The following ZFYVE9 variants were observed in gnomAD, a reference collection of about 807,000 sequenced individuals.
ZFYVE9 encodes the protein zinc finger FYVE-type containing 9.
A neutral mutation model predicts 126.7 loss-of-function variants in ZFYVE9; 43 were observed. The ratio of observed to expected loss-of-function variants is 0.34; its 90% CI spans 0.27 to 0.44. The LOEUF (loss-of-function observed/expected upper bound fraction) is 0.44. Among genes scored for constraint, ZFYVE9 ranks in the 20% least tolerant of loss-of-function variants. ZFYVE9 has a pLI of 1.00. For synonymous variants in ZFYVE9, 521 were observed against 597.4 expected, an observed-to-expected ratio of 0.87 and a Z score of 1.87; for missense variants, 1,476 against 1,697.0, an observed-to-expected ratio of 0.87 and a Z score of 2.29.
chr1:52,144,621 ATTTC>A (rs1333695618), intron 1 of ZFYVE9, among the ~76,000 whole-genome samples: 1 of 150,424 alleles, frequency 6.6e-6, no homozygotes, highest in Non-Finnish European at 1.5e-5. Flanking sequence ...GGCAATAGTC[ATTTC>A]TTTCTTTTTT....
chr1:52,267,115 G>A (rs1361972948), intron 6 of ZFYVE9, among the ~76,000 whole-genome samples: 1 of 152,132 alleles, frequency 6.6e-6, no homozygotes, highest in Non-Finnish European at 1.5e-5. Flanking sequence ...AAAAAGAGGT[G>A]CAGAATTTGA....
At chr1:52,145,193 G>A (rs1233331943) in intron 1 of ZFYVE9, among the ~76,000 whole-genome samples, 2 of 152,258 alleles carry the variant, frequency 1.3e-5, no homozygotes, top group East Asian at 3.9e-4. Flanking sequence ...CTGATTCAGT[G>A]TTTTCTTTAA....
At chr1:52,179,801 A>G in intron 1 of ZFYVE9, 1 of 541,818 alleles carries the variant, frequency 1.8e-6, no homozygotes, top group East Asian at 3.7e-5. Flanking sequence ...AAGGATTTAA[A>G]GTGTCTATTA....
In ZFYVE9 at chr1:52,142,097, C is replaced by G. The variant is rs1644261620; in HGVS notation, c.-449C>G. 6.6e-6 allele frequency: 1 copy of G among 151,308 alleles called. No individual in the cohort carries two copies. The highest frequency in any genetic ancestry group is 1.9e-4 in the East Asian group (1 of 5,186). The allele number at this position is 151,308 out of a possible 1,614,324, so 9.4% of individuals were successfully genotyped here. The stretch of plus-strand genomic sequence containing the variant: ...CGGCGGCAGGAGCGGCCACCCGACG[C>G]TGGAGGCTTCGCTGAGGATCCCCGC... On this transcript the variant is annotated 5_prime_UTR_variant, in exon 1 of 19. Transcript: ENST00000287727. The surrounding 1 kb of genome is among the most constrained non-coding windows in gnomAD (Gnocchi z 4.5).
chr1:52,284,786 T>G (rs1645842073), intron 10 of ZFYVE9, among the ~76,000 whole-genome samples: 1 of 152,088 alleles, frequency 6.6e-6, no homozygotes, highest in Non-Finnish European at 1.5e-5. Context: ...GCAAAAATTT[T>G]GAAACAACAA....
At chr1:52,295,194 C>CA (rs1032912820) in intron 11 of ZFYVE9, among the ~76,000 whole-genome samples, 96 of 142,082 alleles carry the variant, frequency 6.8e-4, no homozygotes, top group Middle Eastern at 7.5e-3. Flanking sequence ...GACTGTGTCT[C>CA]AAAAAAAAAA....
chr1:52,254,169 G>C, intron 4 of ZFYVE9: 3 of 633,720 alleles, frequency 4.7e-6, no homozygotes, highest in Non-Finnish European at 8.1e-6. Flanking sequence ...ATGATGTATT[G>C]TTCAATAAGG....
chr1:52,279,250 C>T (rs1212570473), intron 9 of ZFYVE9, among the ~76,000 whole-genome samples: 1 of 152,060 alleles, frequency 6.6e-6, no homozygotes, highest in East Asian at 1.9e-4. Context: ...AACTTACCAC[C>T]AGAATAACTG....
At chr1:52,262,500 C>T (rs889362089) in intron 4 of ZFYVE9, among the ~76,000 whole-genome samples, 5 of 152,258 alleles carry the variant, frequency 3.3e-5, no homozygotes, top group Non-Finnish European at 7.3e-5. Flanking sequence ...CTCCCTGTAT[C>T]ACAGGGATAT....
intron 1 of ZFYVE9, among the ~76,000 whole-genome samples, chr1:52,167,132 C>T (rs1644521478): frequency 6.6e-6 from 1 of 152,122 alleles, no homozygotes; most frequent in Non-Finnish European, 1.5e-5. Context: ...AAGAACTCTG[C>T]CATTGTCAGG....
chr1:52,308,510 C>G (rs1438926840), intron 13 of ZFYVE9, among the ~76,000 whole-genome samples: 1 of 152,096 alleles, frequency 6.6e-6, no homozygotes, highest in Admixed American at 6.6e-5. Flanking sequence ...TTTATTTAAT[C>G]ACAATATTCT....
intron 17 of ZFYVE9, among the ~76,000 whole-genome samples, chr1:52,340,858 G>A (rs746533304): frequency 5.3e-4 from 73 of 137,120 alleles, no homozygotes; most frequent in Non-Finnish European, 9.8e-4. Context: ...CCGAGATCAC[G>A]CCACTGCACT....
intron 2 of ZFYVE9, among the ~76,000 whole-genome samples, chr1:52,218,585 A>G (rs1244081180): frequency 6.6e-6 from 1 of 152,170 alleles, no homozygotes; most frequent in Non-Finnish European, 1.5e-5. Context: ...TGGGAGGGGA[A>G]CAGTTTGGGT....
chr1:52,224,416 G>C (rs1197454752), intron 2 of ZFYVE9, among the ~76,000 whole-genome samples: 2 of 152,154 alleles, frequency 1.3e-5, no homozygotes, highest in Non-Finnish European at 2.9e-5. Flanking sequence ...ATTTGACTTA[G>C]GTAGGTCGTC....
chr1:52,346,470 T>C lies in ZFYVE9; in HGVS notation c.*249T>C. ...GGCAGCTTCTGTTCCTGCACAACAGTTATGCTATCCTTGCAGCTAATCCCC... is the reference window on the plus strand; with the variant it reads ...GGCAGCTTCTGTTCCTGCACAACAGCTATGCTATCCTTGCAGCTAATCCCC... On this transcript the variant is annotated 3_prime_UTR_variant, in exon 19 of 19. Coordinates refer to ENST00000287727, the MANE Select transcript of ZFYVE9 (RefSeq NM_004799.4). The C allele has an allele frequency of 2.3e-6, 1 of 435,466 alleles. No homozygotes were observed. Among genetic ancestry groups the C allele is most frequent in the Non-Finnish European group, 4.1e-6 (1 of 246,904 alleles). 27.0% of individuals were successfully genotyped at this position (435,466 alleles called of 1,614,324 possible). A position where few individuals can be genotyped will look rare whatever the true frequency, so the allele number is the denominator to read the frequency against.
At chr1:52,288,633 T>C (rs1411841857) in intron 10 of ZFYVE9, among the ~76,000 whole-genome samples, 1 of 152,186 alleles carries the variant, frequency 6.6e-6, no homozygotes, top group Non-Finnish European at 1.5e-5. Context: ...TAGAAATTTA[T>C]TTATTGGCCG....
chr1:52,197,653 G>A (rs1219677448), intron 1 of ZFYVE9, among the ~76,000 whole-genome samples: 1 of 128,758 alleles, frequency 7.8e-6, no homozygotes, highest in African/African-American at 3.0e-5. Flanking sequence ...CATGGAAGAA[G>A]AGTTTCATAA....
At chr1:52,281,299 A>AT (rs1386011070) in intron 9 of ZFYVE9, among the ~76,000 whole-genome samples, 3 of 151,602 alleles carry the variant, frequency 2.0e-5, no homozygotes, top group African/African-American at 7.3e-5. Context: ...CACCCAGCTA[A>AT]TTTTTTTGTA....
intron 1 of ZFYVE9, among the ~76,000 whole-genome samples, chr1:52,196,700 A>T (rs1476413089): frequency 6.6e-6 from 1 of 152,224 alleles, no homozygotes; most frequent in African/African-American, 2.4e-5. Flanking sequence ...ATTGATTATT[A>T]ATTGTATAGC....
Sources: allele counts gnomAD v4.1 joint callset (sites outside exome capture counted in the v4.1 genomes callset), GRCh38; gene constraint gnomAD v4.1.1; non-coding constraint Gnocchi (gnomAD v3.1); transcripts MANE v1.5; gene names NCBI Gene and HGNC (gene_info 2026-07-23, HGNC 2026-07-21).